PTPN13: variants seen among roughly 807,000 people sequenced by gnomAD.
PTPN13 encodes tyrosine-protein phosphatase non-receptor type 13.
In PTPN13, 191 loss-of-function variants were observed where a neutral mutation model predicts 284.0. That is an observed-to-expected ratio of 0.67 (90% CI 0.60 to 0.76). The LOEUF is 0.76. Ranked by LOEUF, PTPN13 falls within the 30% of genes least tolerant of loss-of-function variation. The pLI, the probability that PTPN13 is intolerant of heterozygous loss-of-function variation, is 0.00. For synonymous variants in PTPN13, 986 were observed against 1,022.3 expected (o/e 0.96, Z 0.68); for missense variants, 2,797 against 2,939.9 (o/e 0.95, Z 1.12).
intron 7 of PTPN13, among the ~76,000 whole-genome samples, chr4:86,705,178 A>G (rs537665507): frequency 6.6e-6 from 1 of 152,124 alleles, no homozygotes; most frequent in Non-Finnish European, 1.5e-5. Flanking sequence ...TACTAAAAAT[A>G]CAAAAATTAG....
At chr4:86,809,466 GGT>G (rs1472744624) in intron 45 of PTPN13, among the ~76,000 whole-genome samples, 2 of 152,178 alleles carry the variant, frequency 1.3e-5, no homozygotes, top group Non-Finnish European at 2.9e-5. Context: ...GGGAGGCCAA[GGT>G]GAGTGGATCA....
Position 86,803,852 on chromosome 4 carries a change from C to CT in PTPN13, c.6650dup (p.Glu2218GlyfsTer18). The CT allele has an allele frequency of 6.2e-7, 1 of 1,613,060 alleles. No homozygotes were observed. The highest frequency in any genetic ancestry group is 1.3e-5 in the African/African-American group (1 of 75,018). ...AGATCAAGGAATTCCTTCTAAGGAG[C>CT]TGGAGGTAAGTGGCTTCTGCCAATG... On this transcript the variant is annotated frameshift_variant, in exon 43 of 48. Transcript: ENST00000411767. LOFTEE classifies it high-confidence loss of function.
chr4:86,802,337 T>TA (rs1250039088), intron 42 of PTPN13, among the ~76,000 whole-genome samples: 2 of 152,182 alleles, frequency 1.3e-5, no homozygotes, highest in Non-Finnish European at 2.9e-5. Flanking sequence ...GCCTACCTAT[T>TA]ATGTTGTTTC....
chr4:86,753,051 C>T lies in PTPN13; in HGVS notation c.3209C>T (p.Pro1070Leu). Residue 1070 changes from proline to leucine, a missense_variant, in exon 20 of 48, where the codon CCC becomes CTC. Transcript: ENST00000411767. ...TCTGGAAACTCTTCATCCCAAGTAC[C>T]CTTAAAAGAAAATGGTAGGTTTACA... Reference protein sequence around the residue: ...HSSGNSSSQVPLKENDVLHKR... With the variant: ...HSSGNSSSQVLLKENDVLHKR... 2 of 1,606,184 alleles carry T rather than the reference C, an allele frequency of 1.2e-6. No homozygotes were observed. The highest frequency in any genetic ancestry group is 8.5e-7 in the Non-Finnish European group (1 of 1,174,360).
intron 20 of PTPN13, 62 bp downstream of exon 20, chr4:86,753,127 C>G: frequency 2.3e-6 from 3 of 1,295,034 alleles, no homozygotes; most frequent in Non-Finnish European, 3.3e-6. Flanking sequence ...CTGAGATAGT[C>G]TTGGACCTAA....
intron 1 of PTPN13, among the ~76,000 whole-genome samples, chr4:86,607,329 A>C (rs1764865145): frequency 6.6e-6 from 1 of 151,962 alleles, no homozygotes; most frequent in African/African-American, 2.4e-5. Context: ...TACACCATTA[A>C]TATATACGTG....
At chr4:86,788,502 A>G (rs1374349842) in intron 40 of PTPN13, among the ~76,000 whole-genome samples, 2 of 152,212 alleles carry the variant, frequency 1.3e-5, no homozygotes, top group African/African-American at 4.8e-5. Context: ...TTACAAAAGT[A>G]TAGGAATATC....
intron 2 of PTPN13, among the ~76,000 whole-genome samples, chr4:86,671,974 C>T (rs1727763322): frequency 2.6e-5 from 4 of 152,178 alleles, no homozygotes; most frequent in Non-Finnish European, 5.9e-5. Flanking sequence ...CCACACCTTT[C>T]ACCAATTTCT....
intron 6 of PTPN13, among the ~76,000 whole-genome samples, chr4:86,698,660 T>C (rs1467150525): frequency 6.6e-6 from 1 of 152,108 alleles, no homozygotes; most frequent in Non-Finnish European, 1.5e-5. Context: ...GAGTAAAGGA[T>C]GGTCATCATA....
intron 3 of PTPN13, among the ~76,000 whole-genome samples, chr4:86,675,677 TA>T (rs1324707178): frequency 6.6e-6 from 1 of 152,162 alleles, no homozygotes; most frequent in Non-Finnish European, 1.5e-5. Flanking sequence ...TTATTTACCT[TA>T]AAACTTTACT....
At chr4:86,774,944 A>G (rs950514303) in intron 33 of PTPN13, among the ~76,000 whole-genome samples, 9 of 152,054 alleles carry the variant, frequency 5.9e-5, no homozygotes, top group African/African-American at 2.2e-4. Flanking sequence ...CAAAATAATG[A>G]TGCATTTGTT....
chr4:86,751,061 G>A lies in PTPN13; in HGVS notation c.3103G>A (p.Glu1035Lys). The change falls in exon 19 of 48, where the codon GAA becomes AAA. Residue 1035 changes from glutamate to lysine, a missense_variant. By Grantham distance (56) the Glu-to-Lys change is moderately conservative (BLOSUM62 1). Transcript: ENST00000411767. The stretch of plus-strand genomic sequence containing the variant: ...TGTTGCGAGTTTAAATAGAAGTCCT[G>A]AAAGGAGGAAACATGAATCAGACTC... Reference protein sequence around the residue: ...KSVASLNRSPERRKHESDSSS... With the variant: ...KSVASLNRSPKRRKHESDSSS... The A allele has an allele frequency of 1.2e-6, 2 of 1,610,118 alleles. No individual in the cohort carries two copies. The highest frequency in any genetic ancestry group is 1.7e-6 in the Non-Finnish European group (2 of 1,176,768).
intron 2 of PTPN13, among the ~76,000 whole-genome samples, chr4:86,670,347 T>C (rs886071174): frequency 1.3e-5 from 2 of 150,474 alleles, no homozygotes; most frequent in Non-Finnish European, 1.5e-5. Context: ...TGTAATAGGT[T>C]CCAAAGTTCT....
intron 32 of PTPN13, among the ~76,000 whole-genome samples, chr4:86,773,938 A>T (rs1371956297): frequency 6.6e-6 from 1 of 152,164 alleles, no homozygotes; most frequent in Admixed American, 6.5e-5. Context: ...ACCAAAAAAA[A>T]AGCTTTGTTG....
intron 43 of PTPN13, among the ~76,000 whole-genome samples, chr4:86,804,299 C>G (rs1744414058): frequency 2.0e-5 from 3 of 152,152 alleles, no homozygotes; most frequent in African/African-American, 7.2e-5. Context: ...TCTCATGGTA[C>G]TGTCCATATT....
intron 9 of PTPN13, among the ~76,000 whole-genome samples, chr4:86,719,134 TC>T (rs746878097): frequency 2.0e-4 from 30 of 152,246 alleles, no homozygotes; most frequent in Non-Finnish European, 3.8e-4. Flanking sequence ...CCTCCCACTC[TC>T]CCCACTCAAG....
In PTPN13 at chr4:86,785,919, CCTGAGTATTTTA is replaced by C. The variant is rs1199119473; in HGVS notation, c.6334_6345del (p.Tyr2112_Glu2115del). ...TACAGACTGCGATGGTTCACCTTTA[CCTGAGTATTTTA>C]CTGAGGTAACAATAATACCTAAACA... On this transcript the variant is annotated inframe_deletion, in exon 40 of 48. Transcript: ENST00000411767. The C allele has an allele frequency of 6.4e-7, 1 of 1,551,852 alleles. No homozygotes were observed. The highest frequency in any genetic ancestry group is 8.7e-7 in the Non-Finnish European group (1 of 1,145,326).
chr4:86,614,741 C>G (rs1340728215), intron 1 of PTPN13, among the ~76,000 whole-genome samples: 1 of 152,090 alleles, frequency 6.6e-6, no homozygotes, highest in Non-Finnish European at 1.5e-5. Flanking sequence ...GGAATGCTAC[C>G]AATTCCAGTA....
intron 6 of PTPN13, among the ~76,000 whole-genome samples, chr4:86,697,930 G>C (rs187339385): frequency 1.1e-4 from 16 of 145,072 alleles, no homozygotes; most frequent in African/African-American, 4.1e-4. Flanking sequence ...AATGGGATGT[G>C]TTCTATTACA....
Sources: gnomAD v4.1 joint callset for allele counts (sites outside exome capture counted in the v4.1 genomes callset) on GRCh38, gnomAD v4.1.1 for gene constraint, MANE v1.5 for transcripts, NCBI Gene and HGNC (gene_info 2026-07-23, HGNC 2026-07-21) for gene names.